GLRA1: variants seen among roughly 807,000 people sequenced by gnomAD.
GLRA1 encodes the protein glycine receptor alpha 1.
In GLRA1, 37 loss-of-function variants were observed where a neutral mutation model predicts 48.3. The ratio of observed to expected loss-of-function variants is 0.77; its 90% CI spans 0.59 to 1.01. The LOEUF (loss-of-function observed/expected upper bound fraction) is 1.01, where lower values mean the gene tolerates loss of function less well. Ranked by LOEUF, GLRA1 falls within the 50% of genes least tolerant of loss-of-function variation. The pLI is 0.00. For missense variants in GLRA1, 427 were observed against 571.0 expected (o/e 0.75, Z 2.57); for synonymous variants, 196 against 210.7 (o/e 0.93, Z 0.60).
chr5:151,867,637 A>G (rs1346118001), intron 3 of GLRA1, among the ~76,000 whole-genome samples: 1 of 152,184 alleles, frequency 6.6e-6, no homozygotes, highest in Non-Finnish European at 1.5e-5. Context: ...AAACAATCCT[A>G]TGACTTGGGC....
At chr5:151,836,259 G>A (rs1009932765) in intron 7 of GLRA1, among the ~76,000 whole-genome samples, 12 of 152,112 alleles carry the variant, frequency 7.9e-5, no homozygotes, top group African/African-American at 2.9e-4. Flanking sequence ...GGGATGTGAA[G>A]GACCTCTTCA....
chr5:151,855,008 T>G, intron 6 of GLRA1, 32 bp downstream of exon 6: 2 of 1,609,462 alleles, frequency 1.2e-6, no homozygotes, highest in Non-Finnish European at 1.7e-6. Context: ...GGTTGGGGGG[T>G]GGGATCTGAG....
At chr5:151,864,695 G>GC (rs1387516943) in intron 3 of GLRA1, among the ~76,000 whole-genome samples, 1 of 152,144 alleles carries the variant, frequency 6.6e-6, no homozygotes, top group Non-Finnish European at 1.5e-5. Context: ...TGATCTCCTA[G>GC]CAAGACCGAA....
intron 7 of GLRA1, among the ~76,000 whole-genome samples, chr5:151,846,668 C>G (rs1375301921): frequency 6.6e-6 from 1 of 151,990 alleles, no homozygotes; most frequent in Non-Finnish European, 1.5e-5. Context: ...TCATGAAAAA[C>G]AAAAAACAGC....
intron 1 of GLRA1, among the ~76,000 whole-genome samples, chr5:151,907,642 A>T (rs573312878): frequency 6.6e-6 from 1 of 152,346 alleles, no homozygotes; most frequent in Admixed American, 6.5e-5. Context: ...ATTAGAGTTC[A>T]ATCAATCGGA....
At chr5:151,848,880 C>T (rs1752757667) in intron 7 of GLRA1, 2 of 641,610 alleles carry the variant, frequency 3.1e-6, no homozygotes, top group Non-Finnish European at 6.0e-6. Context: ...AGAACACCTT[C>T]CACCATGACC....
chr5:151,829,085 G>T lies in GLRA1; in HGVS notation c.913-18C>A. The T allele has an allele frequency of 1.9e-6, 3 of 1,612,646 alleles. No individual in the cohort carries two copies. The highest frequency in any genetic ancestry group is 2.5e-6 in the Non-Finnish European group (3 of 1,179,366). ...TAGGACACCTAGAGTGGGGGTGGAG[G>T]AGAAACAGGGAGGTGAAAGCAGGGG... On this transcript the variant is annotated intron_variant, in intron 7 of 8. Transcript: ENST00000274576.
At position 151,830,977 on chromosome 5, in the gene GLRA1, G is replaced by A. The variant is rs575760517; in HGVS notation, c.913-1910C>T. ...TCATCTCACTGGGACTGGTTAGACAGTGGGTGCAGCCCACAGAAGGTGAGC... is the reference window on the plus strand; with the variant it reads ...TCATCTCACTGGGACTGGTTAGACAATGGGTGCAGCCCACAGAAGGTGAGC... On this transcript the variant is annotated intron_variant, in intron 7 of 8. Transcript: ENST00000274576. 1.2e-4 allele frequency among the ~76,000 whole-genome samples: 19 copies of A among 152,360 alleles called. No individual in the cohort carries two copies. In the East Asian group the frequency reaches 3.7e-3, roughly 29 times the overall value.
At position 151,910,335 on chromosome 5, in the gene GLRA1, G is replaced by T. The variant is rs184942450; in HGVS notation, c.56+14159C>A. ...CTTTTCAAAAGTAATATATATTGTT[G>T]TAAAACATTCAAGTATTACAGGAAT... is the stretch of plus-strand genomic sequence containing the variant. On this transcript the variant is annotated intron_variant, in intron 1 of 8. Transcript: ENST00000274576. Among the ~76,000 whole-genome samples, 291 of 152,170 alleles carry T rather than the reference G, an allele frequency of 1.9e-3. 1 individual carries two copies. The highest frequency in any genetic ancestry group is 6.8e-3 in the African/African-American group (283 of 41,490).
At chr5:151,832,544 A>C (rs1434402782) in intron 7 of GLRA1, among the ~76,000 whole-genome samples, 2 of 152,230 alleles carry the variant, frequency 1.3e-5, no homozygotes, top group South Asian at 2.1e-4. Flanking sequence ...GGAATAAAGG[A>C]TATCAGAGAT....
At chr5:151,853,307 C>T (rs1344090283) in intron 6 of GLRA1, among the ~76,000 whole-genome samples, 6 of 151,824 alleles carry the variant, frequency 4.0e-5, no homozygotes, top group African/African-American at 9.7e-5. Context: ...AGTGCAGTGG[C>T]GTGATCTCAG....
intron 1 of GLRA1, among the ~76,000 whole-genome samples, chr5:151,914,694 G>A (rs1442208979): frequency 1.3e-5 from 2 of 152,158 alleles, no homozygotes; most frequent in African/African-American, 4.8e-5. Flanking sequence ...AAGGAGAAAG[G>A]ACGTTCAGTG....
intron 7 of GLRA1, chr5:151,849,957 C>T (rs2113340552): frequency 6.3e-7 from 1 of 1,585,386 alleles, no homozygotes; most frequent in Non-Finnish European, 8.6e-7. Context: ...AAGGACCCTA[C>T]AAGCTGGTGT....
At chr5:151,864,362 T>C (rs1753279795) in intron 3 of GLRA1, among the ~76,000 whole-genome samples, 1 of 152,220 alleles carries the variant, frequency 6.6e-6, no homozygotes, top group Non-Finnish European at 1.5e-5. Flanking sequence ...TTCTAGATAC[T>C]GTCACATACA....
At chr5:151,898,627 G>C (rs755043743) in intron 1 of GLRA1, among the ~76,000 whole-genome samples, 73 of 152,290 alleles carry the variant, frequency 4.8e-4, no homozygotes, top group Non-Finnish European at 8.4e-4. Flanking sequence ...GGGGAGGAAA[G>C]ACAAGGAGGG....
At chr5:151,837,704 A>G (rs916472532) in intron 7 of GLRA1, among the ~76,000 whole-genome samples, 2 of 152,186 alleles carry the variant, frequency 1.3e-5, no homozygotes, top group African/African-American at 2.4e-5. Flanking sequence ...GCAAACTAAC[A>G]CAAGAACAGA....
chr5:151,892,033 G>A (rs1754090012), intron 2 of GLRA1, among the ~76,000 whole-genome samples: 1 of 152,130 alleles, frequency 6.6e-6, no homozygotes, highest in African/African-American at 2.4e-5. Flanking sequence ...CACGTTCCAT[G>A]TTTATCCTTC....
At chr5:151,864,139 A>ATGTGTGTT (rs1753273973) in intron 3 of GLRA1, among the ~76,000 whole-genome samples, 1 of 150,120 alleles carries the variant, frequency 6.7e-6, no homozygotes. Context: ...TGAAGTGTGC[A>ATGTGTGTT]TGTGTGTGTG....
intron 1 of GLRA1, among the ~76,000 whole-genome samples, chr5:151,903,808 A>G (rs1754416664): frequency 6.6e-6 from 1 of 152,202 alleles, no homozygotes; most frequent in Non-Finnish European, 1.5e-5. Flanking sequence ...AATCTTCCCA[A>G]CAACTTTATG....
Sources: gnomAD v4.1 joint callset for allele counts (sites outside exome capture counted in the v4.1 genomes callset) on GRCh38, gnomAD v4.1.1 for gene constraint, MANE v1.5 for transcripts, NCBI Gene and HGNC (gene_info 2026-07-23, HGNC 2026-07-21) for gene names.